The following TMX2 variants were observed in gnomAD, a reference collection of about 807,000 sequenced individuals.
TMX2 encodes thioredoxin-related transmembrane protein 2.
In TMX2, 20 loss-of-function variants were observed where a neutral mutation model predicts 33.4. The ratio of observed to expected loss-of-function variants is 0.60; its 90% CI spans 0.42 to 0.87. The LOEUF (loss-of-function observed/expected upper bound fraction) is 0.87. Ranked by LOEUF, TMX2 falls within the 40% of genes least tolerant of loss-of-function variation. The pLI is 0.00. For synonymous variants in TMX2, 166 were observed against 140.7 expected (o/e 1.18, Z -1.27); for missense variants, 340 against 370.7 (o/e 0.92, Z 0.68).
intron 1 of TMX2, among the ~76,000 whole-genome samples, chr11:57,730,834 A>G (rs78459567): frequency 0.036 from 5,438 of 152,304 alleles, 122 homozygotes; most frequent in Non-Finnish European, 0.052. Context: ...AGGGTAAAAC[A>G]GCCTAACCAT....
Position 57,738,424 on chromosome 11 carries a change from C to T in TMX2, c.435C>T (p.Thr145=), listed in dbSNP as rs1948880699. Residue 145 remains threonine, a synonymous_variant, in exon 4 of 8, where the codon ACC becomes ACT. Transcript: ENST00000278422. ...PEYIKYFNDK[T]IDEELERDKR... is the part of the protein sequence containing the mutation. ...ATATCAAGTACTTCAATGATAAAAC[C>T]ATTGATGTGAGTGCTCTTTCCCCTT... is the stretch of plus-strand genomic sequence containing the variant. The T allele has an allele frequency of 6.2e-7, 1 of 1,609,756 alleles. No individual in the cohort carries two copies.
At chr11:57,716,363 C>T (rs1947034596) in intron 1 of TMX2, among the ~76,000 whole-genome samples, 2 of 123,230 alleles carry the variant, frequency 1.6e-5, no homozygotes, top group East Asian at 4.8e-4. Context: ...ACACCTCCCT[C>T]CCGGACGGGG....
At chr11:57,733,827 A>G (rs985710723) in intron 1 of TMX2, among the ~76,000 whole-genome samples, 2 of 152,156 alleles carry the variant, frequency 1.3e-5, no homozygotes, top group African/African-American at 2.4e-5. Flanking sequence ...TCTGTCTTCA[A>G]CCTGTGGCCT....
chr11:57,717,755 G>C lies in TMX2; in HGVS notation c.189+4948G>C, dbSNP rs868566566. Among the ~76,000 whole-genome samples the C allele has an allele frequency of 6.6e-4, 96 of 145,626 alleles. 2 individuals carry two copies. The East Asian group carries it at 0.011, about 17-fold the overall frequency. The stretch of plus-strand genomic sequence containing the variant: ...GAGGGGAGAGGGGAGAGGGGAGAGG[G>C]AGAGGCAGAGGCAGAGGCAGAGGCC... On this transcript the variant is annotated intron_variant, in intron 1 of 7. Transcript: ENST00000278422.
chr11:57,733,325 G>A (rs11822064), intron 1 of TMX2, among the ~76,000 whole-genome samples: 7 of 144,330 alleles, frequency 4.8e-5, no homozygotes, highest in African/African-American at 1.8e-4. Flanking sequence ...GCGCTTTCTC[G>A]GCTCACTGCA....
rs2135670619 is a variant in TMX2, at chr11:57,740,236, G to A, written c.882G>A (p.Lys294=). 10 of 1,598,070 alleles carry A rather than the reference G, an allele frequency of 6.3e-6. No individual in the cohort carries two copies. Among genetic ancestry groups the A allele is most frequent in the East Asian group, 2.3e-5 (1 of 44,390 alleles). The change falls in exon 8 of 8, where the codon AAG becomes AAA. Residue 294 remains lysine, a synonymous_variant. Transcript: ENST00000278422. ...CAGTGTCAGATGGGGAAAACAAGAA[G>A]GATAAATAAGATCCTCACTTTGGCA... ...PTTVSDGENK[K]DK
At chr11:57,730,107 C>A (rs1948264385) in intron 1 of TMX2, among the ~76,000 whole-genome samples, 1 of 141,034 alleles carries the variant, frequency 7.1e-6, no homozygotes, top group African/African-American at 2.6e-5. Flanking sequence ...CCGTTTCCCC[C>A]CACAAAAAAA....
At chr11:57,727,162 A>AT (rs918876547) in intron 1 of TMX2, among the ~76,000 whole-genome samples, 4 of 151,186 alleles carry the variant, frequency 2.6e-5, no homozygotes, top group Non-Finnish European at 4.4e-5. Flanking sequence ...CTGATCCGGG[A>AT]TTTTTTTTTA....
chr11:57,722,128 T>TGG (rs1947674366), intron 1 of TMX2, among the ~76,000 whole-genome samples: 1 of 152,146 alleles, frequency 6.6e-6, no homozygotes, highest in South Asian at 2.1e-4. Flanking sequence ...GTCAAGCAGA[T>TGG]GGGAGTACAG....
chr11:57,719,773 C>T (rs1590918465), intron 1 of TMX2, among the ~76,000 whole-genome samples: 1 of 151,968 alleles, frequency 6.6e-6, no homozygotes, highest in African/African-American at 2.4e-5. Flanking sequence ...TTCCCTCAGC[C>T]TCCCAAAGTG....
At chr11:57,731,343 A>G (rs1183741634) in intron 1 of TMX2, among the ~76,000 whole-genome samples, 3 of 150,780 alleles carry the variant, frequency 2.0e-5, no homozygotes, top group African/African-American at 7.3e-5. Flanking sequence ...CATGTTGGCC[A>G]GGCTGGTCTT....
intron 3 of TMX2, 96 bp from the exon 4 acceptor site, chr11:57,738,258 T>C (rs1948871107): frequency 1.1e-6 from 1 of 911,012 alleles, no homozygotes; most frequent in Non-Finnish European, 1.8e-6. Flanking sequence ...CACAAGTGTG[T>C]ATTATTTGGG....
intron 1 of TMX2, among the ~76,000 whole-genome samples, chr11:57,719,415 C>T (rs1195235044): frequency 2.0e-5 from 3 of 151,200 alleles, no homozygotes; most frequent in Non-Finnish European, 4.4e-5. Context: ...TTCACTGAAA[C>T]CCCCTTTAAA....
intron 1 of TMX2, among the ~76,000 whole-genome samples, chr11:57,717,194 G>A (rs1468786037): frequency 1.3e-5 from 2 of 151,774 alleles, no homozygotes; most frequent in African/African-American, 4.8e-5. Flanking sequence ...TGGCGGCCGG[G>A]CAGAGACGCT....
rs976557589 is a variant in TMX2 at position 57,718,810 on chromosome 11, C to T, written c.189+6003C>T. On this transcript the variant is annotated intron_variant, in intron 1 of 7. Transcript: ENST00000278422. ...AGCTGGGACTACAGGTGCCTGCCAC[C>T]ACGTCTGGCTAAATTTTGTATTTTT... Among the ~76,000 whole-genome samples, 4 of 150,870 alleles carry T rather than the reference C, an allele frequency of 2.7e-5. No individual in the cohort carries two copies. The Admixed American group carries it at 2.7e-4, about 10-fold the overall frequency.
chr11:57,738,305 C>A, intron 3 of TMX2, 49 bp from the exon 4 acceptor site: 1 of 1,396,764 alleles, frequency 7.2e-7, no homozygotes, highest in Non-Finnish European at 1.0e-6. Context: ...AGTAAATTCC[C>A]TGTGTAAGGC....
chr11:57,713,282 C>T (rs1005955718), intron 1 of TMX2, among the ~76,000 whole-genome samples: 1 of 152,156 alleles, frequency 6.6e-6, no homozygotes, highest in African/African-American at 2.4e-5. Flanking sequence ...GGACTTGAAA[C>T]TACTCTTCTG....
At chr11:57,726,438 A>C (rs1947996276) in intron 1 of TMX2, among the ~76,000 whole-genome samples, 1 of 151,756 alleles carries the variant, frequency 6.6e-6, no homozygotes. Flanking sequence ...TAAAAAAAAA[A>C]CAAGTCAGTC....
At chr11:57,734,362 A>G (rs536178207) in intron 1 of TMX2, among the ~76,000 whole-genome samples, 1 of 152,348 alleles carries the variant, frequency 6.6e-6, no homozygotes, top group East Asian at 1.9e-4. Context: ...TGCAGTAGCA[A>G]TAGCTAGTCC....
Sources: allele counts gnomAD v4.1 joint callset (sites outside exome capture counted in the v4.1 genomes callset), GRCh38; gene constraint gnomAD v4.1.1; transcripts MANE v1.5; gene names NCBI Gene and HGNC (gene_info 2026-07-23, HGNC 2026-07-21).